RBFOX1: variants seen among roughly 807,000 people sequenced by gnomAD.
RBFOX1 encodes the protein RNA binding fox-1 homolog 1, also known as RNA binding protein fox-1 homolog 1.
A neutral mutation model predicts 57.7 loss-of-function variants in RBFOX1; 8 were observed. That is an observed-to-expected ratio of 0.14 (90% CI 0.08 to 0.25). The LOEUF is 0.25. RBFOX1 is among the 10% of genes least tolerant of loss of function. The pLI, the probability that RBFOX1 is intolerant of heterozygous loss-of-function variation, is 1.00. For synonymous variants in RBFOX1, 326 were observed against 222.4 expected (o/e 1.47, Z -4.15); for missense variants, 611 against 548.5 (o/e 1.11, Z -1.14).
chr16:6,785,891 C>G (rs1297591835), intron 3 of RBFOX1, among the ~76,000 whole-genome samples: 5 of 152,158 alleles, frequency 3.3e-5, no homozygotes, highest in Admixed American at 3.3e-4. Flanking sequence ...TCAGGCTCCG[C>G]TTAGCATTTA....
chr16:6,082,007 G>A (rs977952686), intron 1 of RBFOX1, among the ~76,000 whole-genome samples: 11 of 152,136 alleles, frequency 7.2e-5, no homozygotes, highest in Non-Finnish European at 1.6e-4. Flanking sequence ...TGGAGTCAAA[G>A]CATAGTTTTG....
intron 3 of RBFOX1, chr16:6,704,243 C>G (rs556327082): frequency 6.6e-6 from 1 of 152,172 alleles, no homozygotes; most frequent in Admixed American, 6.5e-5. Flanking sequence ...TAGTAAGTGG[C>G]AGAACTGCAA....
chr16:7,657,713 T>A (rs1445083082), intron 12 of RBFOX1, among the ~76,000 whole-genome samples: 1 of 152,228 alleles, frequency 6.6e-6, no homozygotes, highest in Non-Finnish European at 1.5e-5. Context: ...CCCTTTTTTG[T>A]CTCACATGCC....
chr16:6,789,782 T>G (rs1484590105), intron 3 of RBFOX1, among the ~76,000 whole-genome samples: 1 of 152,158 alleles, frequency 6.6e-6, no homozygotes, highest in East Asian at 1.9e-4. Context: ...AATCTTCTGT[T>G]TGAATGGTGA....
chr16:6,334,486 C>G (rs12597821), intron 2 of RBFOX1, among the ~76,000 whole-genome samples: 22,314 of 117,608 alleles, frequency 0.19, 2,030 homozygotes, highest in Middle Eastern at 0.36. Flanking sequence ...CCAGCCTGGA[C>G]AACAGAGCAA....
At chr16:7,413,022 A>T (rs946074127) in intron 4 of RBFOX1, among the ~76,000 whole-genome samples, 19 of 152,204 alleles carry the variant, frequency 1.2e-4, no homozygotes, top group Non-Finnish European at 2.2e-4. Flanking sequence ...AGCCCGGGCG[A>T]AAGAGCGAGA....
intron 1 of RBFOX1, among the ~76,000 whole-genome samples, chr16:6,160,978 T>G (rs958158093): frequency 6.6e-6 from 1 of 152,216 alleles, no homozygotes; most frequent in Non-Finnish European, 1.5e-5. Flanking sequence ...TATCTCTCCT[T>G]CTTCCTACCG....
chr16:6,019,016 C>G (rs2095019858), upstream of RBFOX1: 3 of 863,848 alleles, frequency 3.5e-6, no homozygotes, highest in Non-Finnish European at 4.2e-6. This position sits in a 1 kb window ranked among gnomAD's most constrained non-coding sequence, Gnocchi z 4.2. Flanking sequence ...GGCGCTCCCT[C>G]GCGCACCAGA....
intron 3 of RBFOX1, among the ~76,000 whole-genome samples, chr16:6,831,397 C>G (rs1052404268): frequency 1.3e-5 from 2 of 152,074 alleles, no homozygotes; most frequent in Admixed American, 1.3e-4. Flanking sequence ...GTTGTGTTAC[C>G]TATGCAAAAA....
chr16:7,186,336 T>A (rs1357241828), intron 4 of RBFOX1, among the ~76,000 whole-genome samples: 1 of 59,002 alleles, frequency 1.7e-5, no homozygotes. Context: ...ATAAACATAT[T>A]TATATAAATA....
At chr16:6,803,262 C>G (rs983301798) in intron 3 of RBFOX1, among the ~76,000 whole-genome samples, 1 of 152,128 alleles carries the variant, frequency 6.6e-6, no homozygotes, top group African/African-American at 2.4e-5. Context: ...CATGAAAGTG[C>G]AAACTTCAAT....
In RBFOX1 at chr16:6,881,662, A is replaced by G. The variant is rs548633751; in HGVS notation, c.-15-170395A>G. On this transcript the variant is annotated intron_variant, in intron 3 of 15. Transcript: ENST00000550418. ...ATATTCCATCTTCAAATAAAGTCAC[A>G]TTCTTAGATGTTGGCAGTTAAGACT... 2.0e-5 allele frequency among the ~76,000 whole-genome samples: 3 copies of G among 152,294 alleles called. No homozygotes were observed. In the South Asian group the frequency reaches 6.2e-4, roughly 32 times the overall value.
chr16:5,262,048 T>A (rs1044979961), intron 1 of RBFOX1, among the ~76,000 whole-genome samples: 2 of 152,166 alleles, frequency 1.3e-5, no homozygotes, highest in African/African-American at 4.8e-5. Context: ...TTGTAATAAA[T>A]ACAGTAAAAG....
intron 1 of RBFOX1, among the ~76,000 whole-genome samples, chr16:5,305,499 T>C (rs1410050948): frequency 1.3e-5 from 2 of 152,202 alleles, no homozygotes. Context: ...TTAAAGACCA[T>C]GTTTTACCCT....
intron 4 of RBFOX1, among the ~76,000 whole-genome samples, chr16:7,140,426 A>C (rs971990212): frequency 6.6e-6 from 1 of 151,842 alleles, no homozygotes; most frequent in Non-Finnish European, 1.5e-5. Context: ...TTTCATGGCT[A>C]TATTGTCTAA....
chr16:6,072,726 T>C (rs2095851991), intron 1 of RBFOX1, among the ~76,000 whole-genome samples: 1 of 152,104 alleles, frequency 6.6e-6, no homozygotes, highest in Non-Finnish European at 1.5e-5. Context: ...GTGAGCTGTA[T>C]TATGGGCTTA....
intron 4 of RBFOX1, among the ~76,000 whole-genome samples, chr16:7,214,096 A>T (rs1483219463): frequency 1.3e-5 from 2 of 149,878 alleles, no homozygotes; most frequent in East Asian, 3.9e-4. Context: ...AAATTTTTCC[A>T]CTTCTTTCCC....
intron 3 of RBFOX1, among the ~76,000 whole-genome samples, chr16:5,728,179 C>T (rs543340549): frequency 6.6e-6 from 1 of 152,280 alleles, no homozygotes; most frequent in South Asian, 2.1e-4. Flanking sequence ...GCACTGTTGA[C>T]AATAGCCAAG....
At chr16:5,265,502 T>G (rs1183308531) in intron 1 of RBFOX1, among the ~76,000 whole-genome samples, 6 of 152,256 alleles carry the variant, frequency 3.9e-5, no homozygotes, top group Non-Finnish European at 2.9e-5. Flanking sequence ...TTAGTGTGAC[T>G]GATTCCCAAC....
Sources: allele counts gnomAD v4.1 joint callset (sites outside exome capture counted in the v4.1 genomes callset), GRCh38; gene constraint gnomAD v4.1.1; non-coding constraint Gnocchi (gnomAD v3.1); transcripts MANE v1.5; gene names NCBI Gene and HGNC (gene_info 2026-07-23, HGNC 2026-07-21).